ATM: variants seen among roughly 807,000 people sequenced by gnomAD.
ATM encodes serine-protein kinase ATM.
In ATM, 308 loss-of-function variants were observed where a neutral mutation model predicts 387.0. The ratio of observed to expected loss-of-function variants is 0.80; its 90% CI spans 0.73 to 0.87. The LOEUF (loss-of-function observed/expected upper bound fraction) is 0.87, where lower values mean the gene tolerates loss of function less well. Ranked by LOEUF, ATM falls within the 40% of genes least tolerant of loss-of-function variation. The pLI is 0.00. For missense variants in ATM, 3,312 were observed against 3,560.9 expected (o/e 0.93, Z 1.78); for synonymous variants, 1,156 against 1,187.3 (o/e 0.97, Z 0.54).
At chr11:108,356,227 T>C (rs1234263983) in intron 61 of ATM, 1 of 152,130 alleles carries the variant, frequency 6.6e-6, no homozygotes, top group African/African-American at 2.4e-5. Flanking sequence ...TTATATTATC[T>C]TGCACTTTTT....
chr11:108,243,861 A>C (rs185370604), intron 5 of ATM, 92 bp from the exon 6 acceptor site: 1 of 1,185,160 alleles, frequency 8.4e-7, no homozygotes, highest in Non-Finnish European at 1.2e-6. Context: ...CTTTTTCTGT[A>C]TGGGATTATG....
chr11:108,257,778 C>G (rs2080599536), intron 15 of ATM, among the ~76,000 whole-genome samples, 172 bp downstream of exon 15: 1 of 152,188 alleles, frequency 6.6e-6, no homozygotes, highest in African/African-American at 2.4e-5. Context: ...TACCACCTAG[C>G]TAAAATTTTC....
chr11:108,312,487 A>T lies in ATM; in HGVS notation c.5995A>T (p.Ile1999Leu), dbSNP rs1201228506. 6.4e-7 allele frequency: 1 copy of T among 1,565,294 alleles called. No individual in the cohort carries two copies. The highest frequency in any genetic ancestry group is 1.7e-5 in the Admixed American group (1 of 59,916). The change falls in exon 40 of 63, where the codon ATA (isoleucine) becomes TTA (leucine). Residue 1999 changes from isoleucine (I) to leucine (L), a missense_variant. Ile to Leu is a conservative substitution (Grantham distance 5). Around this residue, in one of 4 missense-constraint regions of ATM, gnomAD observed 1,405 missense variants for 1,604.4 expected, o/e 0.88. Transcript: ENST00000675843. ...LSEKSKEETG[I>L]SLQDLLLEIY... ...TGAAAAAAGTAAAGAAGAAACTGGAATAAGTTTACAGGTAAATATTAGAGG... is the reference window on the plus strand; with the variant it reads ...TGAAAAAAGTAAAGAAGAAACTGGATTAAGTTTACAGGTAAATATTAGAGG...
At chr11:108,342,671 C>T (rs769875148) in intron 56 of ATM, among the ~76,000 whole-genome samples, 2 of 152,142 alleles carry the variant, frequency 1.3e-5, no homozygotes, top group East Asian at 3.9e-4. Flanking sequence ...ATTTTCTATA[C>T]TTTATGTATG....
intron 34 of ATM, 74 bp downstream of exon 34, chr11:108,299,959 T>C: frequency 7.2e-7 from 1 of 1,379,466 alleles, no homozygotes; most frequent in Non-Finnish European, 1.0e-6. Context: ...CACAAATAGA[T>C]ATTCTCAGTA....
In ATM at chr11:108,279,623, C is replaced by T. The variant is rs2082125608; in HGVS notation, c.3402+15C>T. ...TGAGAGAAATGGTAATTTTAAGTAA[C>T]ATGTATTTGCTGTTATCATATGCTT... On this transcript the variant is annotated intron_variant, in intron 23 of 62. Transcript: ENST00000675843. The T allele has an allele frequency of 1.3e-6, 2 of 1,561,512 alleles. No homozygotes were observed. The highest frequency in any genetic ancestry group is 1.1e-5 in the South Asian group (1 of 90,050).
rs763650972 is a variant in ATM, at chr11:108,315,964, T to A, written c.6096-47T>A. 1.7e-5 allele frequency: 27 copies of A among 1,607,428 alleles called. No homozygotes were observed. In the East Asian group the frequency reaches 5.6e-4, roughly 33 times the overall value. ...ATAGTAATTCTGTTTATGAAGGAGT[T>A]ATGTGTGTGTAAAACCCAAAGCTAT... On this transcript the variant is annotated intron_variant, in intron 41 of 62. Transcript: ENST00000675843.
Position 108,244,971 on chromosome 11 carries a change from A to T in ATM, c.846A>T (p.Leu282Phe), listed in dbSNP as rs754008850. The T allele has an allele frequency of 1.7e-5, 27 of 1,612,844 alleles. 3 individuals carry two copies. In the South Asian group the frequency reaches 2.9e-4, roughly 17 times the overall value. ...NDSLKEVIIE[L>F]FQLQIYIHHP... ...CTTTAAAAGAAGTCATTATTGAATT[A>T]TTTCAACTGCAAATTTATATCCATC... Residue 282 changes from leucine (L) to phenylalanine (F), a missense_variant, in exon 7 of 63, where the codon TTA becomes TTT. Transcript: ENST00000675843.
At chr11:108,329,550 G>T (rs1353446347) in intron 49 of ATM, among the ~76,000 whole-genome samples, 1 of 152,016 alleles carries the variant, frequency 6.6e-6, no homozygotes, top group African/African-American at 2.4e-5. Context: ...AATAGCTGGG[G>T]CTACAGGTGC....
rs200601781 is a variant in ATM, at chr11:108,247,083, G to A, written c.1021G>A (p.Val341Ile). ...TTCTTCAGGATTTCGTAATATTGCC[G>A]TCAAAGAAAATTTGATTGAATTGAT... ...KYSSGFRNIA[V>I]KENLIELMAD... Residue 341 changes from valine to isoleucine, a missense_variant, in exon 8 of 63, where the codon GTC becomes ATC. Coordinates refer to ENST00000675843, the MANE Select transcript of ATM (RefSeq NM_000051.4). The A allele has an allele frequency of 1.1e-5, 17 of 1,613,808 alleles. No homozygotes were observed. The highest frequency in any genetic ancestry group is 5.0e-5 in the Admixed American group (3 of 60,010).
rs1555066392 is a variant in ATM at position 108,244,018 on chromosome 11, G to T, written c.562G>T (p.Ala188Ser). 1.2e-6 allele frequency: 2 copies of T among 1,611,856 alleles called. No homozygotes were observed. The highest frequency in any genetic ancestry group is 1.7e-6 in the Non-Finnish European group (2 of 1,179,304). Residue 188 changes from alanine to serine, a missense_variant, in exon 6 of 63, where the codon GCT (alanine) becomes TCT (serine). Coordinates refer to ENST00000675843, the MANE Select transcript of ATM (RefSeq NM_000051.4). ...PSQDVHRVLV[A>S]RIIHAVTKGC... ...ACAAGATGTTCATAGAGTTTTAGTG[G>T]CTAGAATAATTCATGCTGTTACCAA...
At chr11:108,235,048 G>C (rs1483882828) in intron 4 of ATM, among the ~76,000 whole-genome samples, 3 of 152,086 alleles carry the variant, frequency 2.0e-5, no homozygotes, top group Non-Finnish European at 4.4e-5. Flanking sequence ...AATTGTTTAA[G>C]AATGATTGCT....
In ATM at chr11:108,365,831, C is replaced by G. The variant is rs1440290853; in HGVS notation, c.*323C>G. ...GTTCGAGACCAGCCTGGCCAAGAGA[C>G]CAGCCTGGCCAGTATGGTGAAACCC... On this transcript the variant is annotated 3_prime_UTR_variant, in exon 63 of 63. Transcript: ENST00000675843. 2.1e-5 allele frequency: 7 copies of G among 334,916 alleles called. No individual in the cohort carries two copies. The highest frequency in any genetic ancestry group is 1.1e-4 in the African/African-American group (5 of 46,922). The allele number at this position is 334,916 out of a possible 1,614,324, so 20.7% of individuals were successfully genotyped here.
intron 61 of ATM, among the ~76,000 whole-genome samples, chr11:108,359,528 T>A (rs905160728): frequency 2.6e-5 from 4 of 151,968 alleles, no homozygotes; most frequent in Non-Finnish European, 2.9e-5. Context: ...TATTCCAAAA[T>A]TGACCCCATA....
At chr11:108,321,137 T>C (rs2085175562) in intron 44 of ATM, among the ~76,000 whole-genome samples, 164 bp from the exon 45 acceptor site, 1 of 152,164 alleles carries the variant, frequency 6.6e-6, no homozygotes, top group Non-Finnish European at 1.5e-5. Flanking sequence ...CAAGGGTCAG[T>C]TGTATTTTGT....
At chr11:108,312,188 A>AT (rs2084221571) in intron 39 of ATM, among the ~76,000 whole-genome samples, 1 of 152,212 alleles carries the variant, frequency 6.6e-6, no homozygotes, top group South Asian at 2.1e-4. Context: ...ATATTTTTGC[A>AT]TATAGGCTTC....
chr11:108,322,132 GT>G (rs1192888213), intron 45 of ATM, among the ~76,000 whole-genome samples: 2 of 151,838 alleles, frequency 1.3e-5, no homozygotes, highest in African/African-American at 4.8e-5. Flanking sequence ...TATACCTAGT[GT>G]TTTTGTTTTG....
chr11:108,341,363 T>G (rs1357970814), intron 56 of ATM, among the ~76,000 whole-genome samples: 4 of 152,122 alleles, frequency 2.6e-5, no homozygotes, highest in Non-Finnish European at 5.9e-5. Context: ...TTTTTTAAAC[T>G]TAAGTTTTGT....
At chr11:108,295,166 C>T in intron 32 of ATM, 107 bp downstream of exon 32, 4 of 1,439,528 alleles carry the variant, frequency 2.8e-6, no homozygotes, top group Admixed American at 1.7e-5. Context: ...TTCAGACTCT[C>T]ATCATTTAGT....
Sources: allele counts gnomAD v4.1 joint callset (sites outside exome capture counted in the v4.1 genomes callset), GRCh38; gene constraint gnomAD v4.1.1; regional missense constraint gnomAD v4.1.1; transcripts MANE v1.5; gene names NCBI Gene and HGNC (gene_info 2026-07-23, HGNC 2026-07-21).